MLANA: variants seen among roughly 807,000 people sequenced by gnomAD.
MLANA encodes melan-A.
MLANA carries 21 observed loss-of-function variants against 15.7 expected under a neutral mutation model. That is an observed-to-expected ratio of 1.33 (90% CI 0.95 to 1.92). The LOEUF is 1.92. MLANA is among the 40% of genes most tolerant of loss of function. The pLI, the probability that MLANA is intolerant of heterozygous loss-of-function variation, is 0.00. For synonymous variants in MLANA, 56 were observed against 51.5 expected (o/e 1.09, Z -0.37); for missense variants, 164 against 143.8 (o/e 1.14, Z -0.72).
At chr9:5,897,871 C>G (rs745402188) in intron 3 of MLANA, among the ~76,000 whole-genome samples, 2 of 152,204 alleles carry the variant, frequency 1.3e-5, no homozygotes, top group African/African-American at 4.8e-5. Context: ...GTGTCTTAGT[C>G]TGTGATTATA....
Position 5,908,877 on chromosome 9 carries a change from A to C in MLANA, c.*169A>C. On this transcript the variant is annotated 3_prime_UTR_variant, in exon 5 of 5. Coordinates refer to ENST00000381477, the MANE Select transcript of MLANA (RefSeq NM_005511.2). Reference sequence around the variant, plus strand: ...AGTAGGTCCGCTAGCAGTACTAATCATGTGAGGAAATGATGAGAAATATTA... The same window carrying C: ...AGTAGGTCCGCTAGCAGTACTAATCCTGTGAGGAAATGATGAGAAATATTA... The C allele has an allele frequency of 5.1e-6, 3 of 588,482 alleles. No individual in the cohort carries two copies. The highest frequency in any genetic ancestry group is 9.0e-6 in the Non-Finnish European group (3 of 332,090). 36.5% of individuals were successfully genotyped at this position (588,482 alleles called of 1,614,324 possible).
chr9:5,908,829 T>C lies in MLANA; in HGVS notation c.*121T>C, dbSNP rs1832984177. ...TAGGAAAAATGCAAGCCATCTCTAATAATAAGTCAGTGTTAAAATTTTAGT... is the reference window on the plus strand; with the variant it reads ...TAGGAAAAATGCAAGCCATCTCTAACAATAAGTCAGTGTTAAAATTTTAGT... On this transcript the variant is annotated 3_prime_UTR_variant, in exon 5 of 5. Coordinates refer to ENST00000381477, the MANE Select transcript of MLANA (RefSeq NM_005511.2). The C allele has an allele frequency of 4.4e-6, 4 of 899,312 alleles. No homozygotes were observed. The African/African-American group carries it at 5.0e-5, about 11-fold the overall frequency. The allele number at this position is 899,312 out of a possible 1,614,324, so 55.7% of individuals were successfully genotyped here. A position where few individuals can be genotyped will look rare whatever the true frequency, so the allele number is the denominator to read the frequency against.
chr9:5,905,304 T>C (rs1200488092), intron 3 of MLANA, among the ~76,000 whole-genome samples: 1 of 152,114 alleles, frequency 6.6e-6, no homozygotes, highest in Non-Finnish European at 1.5e-5. Context: ...CCTGAAAAAC[T>C]GAGTGTTGGC....
In MLANA at chr9:5,908,004, T is replaced by C. The variant is rs534752949; in HGVS notation, c.289-636T>C. Among the ~76,000 whole-genome samples, 24 of 152,270 alleles carry C rather than the reference T, an allele frequency of 1.6e-4. 1 individual carries two copies. The highest frequency in any genetic ancestry group is 5.8e-4 in the African/African-American group (24 of 41,540). On this transcript the variant is annotated intron_variant, in intron 4 of 4. Transcript: ENST00000381477. The stretch of plus-strand genomic sequence containing the variant: ...ACATAAGTGGCTTGTACCATATTTC[T>C]ATTGGACAGCACTAGTACATATACA...
intron 3 of MLANA, among the ~76,000 whole-genome samples, chr9:5,905,164 T>A (rs538754465): frequency 2.1e-4 from 32 of 152,340 alleles, no homozygotes; most frequent in African/African-American, 7.7e-4. Context: ...AATAACACTA[T>A]ACCATTTCAT....
chr9:5,909,101 C>T lies in MLANA; in HGVS notation c.*393C>T, dbSNP rs1431942296. 3 of 246,344 alleles carry T rather than the reference C, an allele frequency of 1.2e-5. No homozygotes were observed. Among genetic ancestry groups the T allele is most frequent in the Non-Finnish European group, 2.4e-5 (3 of 126,558 alleles). 15.3% of individuals were successfully genotyped at this position (246,344 alleles called of 1,614,324 possible). A position where few individuals can be genotyped will look rare whatever the true frequency, so the allele number is the denominator to read the frequency against. On this transcript the variant is annotated 3_prime_UTR_variant, in exon 5 of 5. Transcript: ENST00000381477. ...CGAACCTTGACCGACATGAACTGTACACAGAATTGTTCCAGTACTATGGAG... is the reference window on the plus strand; with the variant it reads ...CGAACCTTGACCGACATGAACTGTATACAGAATTGTTCCAGTACTATGGAG...
chr9:5,906,689 A>T (rs141354468), intron 3 of MLANA, among the ~76,000 whole-genome samples, 196 bp from the exon 4 acceptor site: 1 of 152,336 alleles, frequency 6.6e-6, no homozygotes, highest in East Asian at 1.9e-4. Context: ...AGCAATTCTG[A>T]GAGGTAGGTA....
Position 5,892,624 on chromosome 9 carries a change from T to C in MLANA, c.77+73T>C, listed in dbSNP as rs141592292. On this transcript the variant is annotated intron_variant, in intron 2 of 4. Coordinates refer to ENST00000381477, the MANE Select transcript of MLANA (RefSeq NM_005511.2). Reference sequence around the variant, plus strand: ...GACACAGCCTGCTGACTTCCACCAGTACATGCCTGCTCGTAAATCTCCCTA... The same window carrying C: ...GACACAGCCTGCTGACTTCCACCAGCACATGCCTGCTCGTAAATCTCCCTA... The C allele has an allele frequency of 5.7e-5, 69 of 1,215,128 alleles. No individual in the cohort carries two copies. The East Asian group carries it at 1.5e-3, about 27-fold the overall frequency. The allele number at this position is 1,215,128 out of a possible 1,614,324, so 75.3% of individuals were successfully genotyped here.
At chr9:5,898,709 G>A (rs1028165728) in intron 3 of MLANA, among the ~76,000 whole-genome samples, 1 of 152,130 alleles carries the variant, frequency 6.6e-6, no homozygotes, top group South Asian at 2.1e-4. Context: ...TGCTGGTTCT[G>A]TTACTCCACT....
intron 2 of MLANA, among the ~76,000 whole-genome samples, chr9:5,895,760 G>A (rs972012122): frequency 6.6e-6 from 1 of 152,232 alleles, no homozygotes; most frequent in African/African-American, 2.4e-5. Flanking sequence ...TCTGCTGCAG[G>A]TGGTATTTGG....
intron 4 of MLANA, 119 bp from the exon 5 acceptor site, chr9:5,908,521 C>T: frequency 1.2e-6 from 1 of 858,662 alleles, no homozygotes; most frequent in Non-Finnish European, 1.9e-6. Context: ...TATATGGGAA[C>T]ACTTAGAAAT....
chr9:5,892,457 G>A lies in MLANA; in HGVS notation c.-18G>A. 1 of 1,609,362 alleles carries A rather than the reference G, an allele frequency of 6.2e-7. No individual in the cohort carries two copies. ...ACATGCTCCTTCTGTTAGGTGTCCT[G>A]TGCCCTGACCCTACAAGATGCCAAG... On this transcript the variant is annotated 5_prime_UTR_variant, in exon 2 of 5. In the 5' UTR this introduces an upstream ATG that the reference lacks. Coordinates refer to ENST00000381477, the MANE Select transcript of MLANA (RefSeq NM_005511.2).
intron 3 of MLANA, among the ~76,000 whole-genome samples, chr9:5,906,415 T>C (rs928932266): frequency 6.6e-6 from 1 of 152,218 alleles, no homozygotes; most frequent in African/African-American, 2.4e-5. Context: ...TCTTCCTTTA[T>C]GTAGGTACAA....
At chr9:5,906,252 C>T (rs1832799971) in intron 3 of MLANA, among the ~76,000 whole-genome samples, 1 of 149,998 alleles carries the variant, frequency 6.7e-6, no homozygotes, top group African/African-American at 2.5e-5. Flanking sequence ...ATCACTTGAA[C>T]CCAGGACGCA....
In MLANA at chr9:5,894,226, C is replaced by T. The variant is rs1397020214; in HGVS notation, c.77+1675C>T. Reference sequence around the variant, plus strand: ...TGCCATGTAGGGCCATCATGCCCAGCTGGGGAACCTCATAGCCAGGTGTAC... The same window carrying T: ...TGCCATGTAGGGCCATCATGCCCAGTTGGGGAACCTCATAGCCAGGTGTAC... On this transcript the variant is annotated intron_variant, in intron 2 of 4. Transcript: ENST00000381477. The surrounding 1 kb of genome is among the most constrained non-coding windows in gnomAD (Gnocchi z 4.0). Among the ~76,000 whole-genome samples, 1 of 152,160 alleles carries T rather than the reference C, an allele frequency of 6.6e-6. No homozygotes were observed. The highest frequency in any genetic ancestry group is 6.5e-5 in the Admixed American group (1 of 15,278).
At chr9:5,891,083 A>T (rs1831630861) in intron 1 of MLANA, 147 bp downstream of exon 1, 1 of 152,174 alleles carries the variant, frequency 6.6e-6, no homozygotes, top group Non-Finnish European at 1.5e-5. Flanking sequence ...GTCAGTCTCC[A>T]ACCTCAGAGG....
Position 5,909,150 on chromosome 9 carries a change from G to C in MLANA, c.*442G>C, listed in dbSNP as rs2130014617. The C allele has an allele frequency of 6.2e-6, 1 of 162,540 alleles. No individual in the cohort carries two copies. Among genetic ancestry groups the C allele is most frequent in the African/African-American group, 2.4e-5 (1 of 41,722 alleles). The allele number at this position is 162,540 out of a possible 1,614,324, so 10.1% of individuals were successfully genotyped here. ...AGTGCTCACAAAGGATACTTTTACA[G>C]GTTAAGACAAAGGGTTGACTGGCCT... On this transcript the variant is annotated 3_prime_UTR_variant, in exon 5 of 5. Coordinates refer to ENST00000381477, the MANE Select transcript of MLANA (RefSeq NM_005511.2).
intron 3 of MLANA, among the ~76,000 whole-genome samples, chr9:5,906,348 G>T (rs1832813904): frequency 6.8e-6 from 1 of 148,142 alleles, no homozygotes; most frequent in Admixed American, 6.7e-5. Flanking sequence ...AAAAAGAAAA[G>T]AAAAGAAAAG....
Position 5,900,590 on chromosome 9 carries a change from T to C in MLANA, c.174+2937T>C, listed in dbSNP as rs554465433. On this transcript the variant is annotated intron_variant, in intron 3 of 4. Transcript: ENST00000381477. ...TGACATTAAATATGAGCTTTGGGCA[T>C]GTGAATTACTCCACCTTTAACAATC... 3.9e-5 allele frequency among the ~76,000 whole-genome samples: 6 copies of C among 152,328 alleles called. No homozygotes were observed. The South Asian group carries it at 1.2e-3, about 32-fold the overall frequency.
Sources: gnomAD v4.1 joint callset for allele counts (sites outside exome capture counted in the v4.1 genomes callset) on GRCh38, gnomAD v4.1.1 for gene constraint, Gnocchi (gnomAD v3.1) non-coding constraint, MANE v1.5 for transcripts, NCBI Gene and HGNC (gene_info 2026-07-23, HGNC 2026-07-21) for gene names.